Variants in DAB1 observed in about 807,000 individuals in gnomAD.
DAB1 encodes the protein disabled homolog 1.
A neutral mutation model predicts 64.6 loss-of-function variants in DAB1; 15 were observed. That is an observed-to-expected ratio of 0.23 (90% CI 0.16 to 0.36). DAB1 has a LOEUF of 0.36. DAB1 is among the 10% of genes least tolerant of loss of function. The probability of loss-of-function intolerance (pLI) is 1.00; values close to 1 mark genes in which losing one functional copy is unlikely to be tolerated. For missense variants in DAB1, 596 were observed against 706.7 expected (o/e 0.84, Z 1.78); for synonymous variants, 235 against 251.9 (o/e 0.93, Z 0.64).
At chr1:58,298,522 A>G (rs1662043733) in intron 4 of DAB1, among the ~76,000 whole-genome samples, 1 of 152,264 alleles carries the variant, frequency 6.6e-6, no homozygotes, top group Admixed American at 6.5e-5. Context: ...CAACATGTAC[A>G]GCCTGCAGAA....
At chr1:58,464,455 AAC>A (rs746066852) in intron 3 of DAB1, among the ~76,000 whole-genome samples, 16 of 152,168 alleles carry the variant, frequency 1.1e-4, no homozygotes, top group Admixed American at 4.6e-4. Flanking sequence ...TGGGGCCAGA[AAC>A]AGAGAAATAT....
At chr1:58,304,732 C>G (rs568083482) in intron 4 of DAB1, among the ~76,000 whole-genome samples, 30 of 152,228 alleles carry the variant, frequency 2.0e-4, no homozygotes, top group African/African-American at 6.5e-4. Flanking sequence ...TCACAGGACC[C>G]CAGCTGACTT....
At chr1:57,574,284 G>T (rs1011924826) in intron 7 of DAB1, among the ~76,000 whole-genome samples, 1 of 152,110 alleles carries the variant, frequency 6.6e-6, no homozygotes, top group Admixed American at 6.5e-5. Flanking sequence ...AGGATTTGTG[G>T]GAGGTACAGA....
At chr1:57,746,987 T>G (rs1648306627) in intron 6 of DAB1, among the ~76,000 whole-genome samples, 1 of 152,230 alleles carries the variant, frequency 6.6e-6, no homozygotes. Context: ...ACATCTCTTA[T>G]TATACGTTGG....
At chr1:57,054,645 T>C (rs1649564018) in intron 9 of DAB1, among the ~76,000 whole-genome samples, 1 of 151,822 alleles carries the variant, frequency 6.6e-6, no homozygotes. Flanking sequence ...GCCCGGCTAA[T>C]TTTTTTGTAT....
intron 5 of DAB1, among the ~76,000 whole-genome samples, chr1:57,961,971 T>A (rs1449186812): frequency 6.8e-5 from 8 of 117,004 alleles, no homozygotes; most frequent in Non-Finnish European, 1.4e-4. Flanking sequence ...AAACTCTGTC[T>A]CAAAAAAAAA....
intron 1 of DAB1, chr1:58,541,614 C>CAAAAAAAAAA (rs60360589): frequency 2.4e-4 from 16 of 65,624 alleles, no homozygotes; most frequent in African/African-American, 3.6e-4. Context: ...GAGAACCTGT[C>CAAAAAAAAAA]AAAAAAAAAA....
rs750080060 is a variant in DAB1, at chr1:57,750,712, G to A, written n.552-101047C>T. Among the ~76,000 whole-genome samples, 4 of 152,148 alleles carry A rather than the reference G, an allele frequency of 2.6e-5. No individual in the cohort carries two copies. The South Asian group carries it at 8.3e-4, about 31-fold the overall frequency. On this transcript the variant is annotated intron_variant and non_coding_transcript_variant, in intron 6 of 20. Transcript: ENST00000485760. ...AGGGGCTAAACTAGATCTCTCAGAT[G>A]TCTTAAAGCCAGATGTTCTGTTTGC...
At chr1:57,376,470 T>TA (rs1186870665) in intron 1 of DAB1, among the ~76,000 whole-genome samples, 1 of 152,256 alleles carries the variant, frequency 6.6e-6, no homozygotes, top group Non-Finnish European at 1.5e-5. Flanking sequence ...AGTGAGAATT[T>TA]AAGCTTCACG....
chr1:58,023,574 G>T (rs1259724129), intron 5 of DAB1, among the ~76,000 whole-genome samples: 1 of 152,154 alleles, frequency 6.6e-6, no homozygotes, highest in African/African-American at 2.4e-5. Flanking sequence ...GTTTGTCTCT[G>T]CAAGTCTAGT....
chr1:57,076,242 G>A (rs925494531), intron 4 of DAB1, among the ~76,000 whole-genome samples: 4 of 152,200 alleles, frequency 2.6e-5, no homozygotes, highest in Non-Finnish European at 5.9e-5. Context: ...AGAACAGCCA[G>A]AGAATACCGG....
In DAB1 at chr1:57,198,514, T is replaced by G. The variant is rs374808107; in HGVS notation, c.68-53085A>C. Among the ~76,000 whole-genome samples, 41 of 152,206 alleles carry G rather than the reference T, an allele frequency of 2.7e-4. No homozygotes were observed. In the East Asian group the frequency reaches 4.7e-3, roughly 17 times the overall value. On this transcript the variant is annotated intron_variant, in intron 2 of 14. Transcript: ENST00000371236. Reference sequence around the variant, plus strand: ...TCACTATATTCCAAGAACACTGGCCTTCTCTCAATCCCTCAATCACCAAAC... The same window carrying G: ...TCACTATATTCCAAGAACACTGGCCGTCTCTCAATCCCTCAATCACCAAAC...
At chr1:57,488,838 C>T (rs1025008124) in intron 7 of DAB1, among the ~76,000 whole-genome samples, 4 of 152,044 alleles carry the variant, frequency 2.6e-5, no homozygotes, top group Non-Finnish European at 5.9e-5. Context: ...TTCTCATCCA[C>T]AAAATGAAAA....
chr1:57,657,210 T>C (rs1646329345), intron 6 of DAB1, among the ~76,000 whole-genome samples: 1 of 152,150 alleles, frequency 6.6e-6, no homozygotes, highest in African/African-American at 2.4e-5. Context: ...TGTGTCCCAA[T>C]GAGAGCCACC....
At chr1:57,959,683 T>A (rs752008645) in intron 5 of DAB1, among the ~76,000 whole-genome samples, 2 of 152,202 alleles carry the variant, frequency 1.3e-5, no homozygotes. Context: ...ATATAAACAA[T>A]CCTGATGAGA....
chr1:57,506,238 A>G (rs895789099), intron 7 of DAB1, among the ~76,000 whole-genome samples: 7 of 152,278 alleles, frequency 4.6e-5, no homozygotes, highest in South Asian at 2.1e-4. Context: ...TTAAACATCA[A>G]TATGGAGCTT....
At chr1:58,138,522 T>A (rs1163822170) in intron 5 of DAB1, among the ~76,000 whole-genome samples, 1 of 152,086 alleles carries the variant, frequency 6.6e-6, no homozygotes, top group Non-Finnish European at 1.5e-5. Flanking sequence ...TGGGCCAGGC[T>A]CAGAAAACAA....
chr1:57,590,460 C>A (rs1243103316), intron 7 of DAB1, among the ~76,000 whole-genome samples: 2 of 151,988 alleles, frequency 1.3e-5, no homozygotes, highest in African/African-American at 4.8e-5. Context: ...GCTGGGACTA[C>A]AGGCACACGT....
At chr1:57,984,916 G>GTTT (rs34070813) in intron 5 of DAB1, among the ~76,000 whole-genome samples, 1 of 149,598 alleles carries the variant, frequency 6.7e-6, no homozygotes, top group African/African-American at 2.5e-5. Context: ...AGTTGTTGTT[G>GTTT]TTTTTTTTTT....
Sources: gnomAD v4.1 joint callset for allele counts (sites outside exome capture counted in the v4.1 genomes callset) on GRCh38, gnomAD v4.1.1 for gene constraint, MANE v1.5 for transcripts, NCBI Gene and HGNC (gene_info 2026-07-23, HGNC 2026-07-21) for gene names.